TMEFF2: variants seen among roughly 807,000 people sequenced by gnomAD.
TMEFF2 encodes tomoregulin-2.
Under a neutral mutation model 53.8 loss-of-function variants are expected in TMEFF2, and 28 were observed. That is an observed-to-expected ratio of 0.52 (90% CI 0.39 to 0.71). TMEFF2 has a LOEUF of 0.71. TMEFF2 is among the 30% of genes least tolerant of loss of function. The pLI is 0.00. For missense variants in TMEFF2, 353 were observed against 455.2 expected, an observed-to-expected ratio of 0.78 and a Z score of 2.04; for synonymous variants, 162 against 166.3, an observed-to-expected ratio of 0.97 and a Z score of 0.20.
At chr2:192,132,945 G>C (rs564715853) in intron 4 of TMEFF2, among the ~76,000 whole-genome samples, 23 of 152,098 alleles carry the variant, frequency 1.5e-4, no homozygotes, top group Non-Finnish European at 3.1e-4. Context: ...GCCAAGCTTC[G>C]AGTAACTCTC....
intron 2 of TMEFF2, among the ~76,000 whole-genome samples, chr2:192,186,001 T>G (rs1691302734): frequency 6.6e-6 from 1 of 152,158 alleles, no homozygotes; most frequent in Admixed American, 6.6e-5. Context: ...TTAGCACATA[T>G]TTTATAAATA....
At chr2:192,119,043 T>G (rs560975451) in intron 4 of TMEFF2, among the ~76,000 whole-genome samples, 39 of 152,304 alleles carry the variant, frequency 2.6e-4, no homozygotes, top group Non-Finnish European at 5.1e-4. Context: ...GAATGTTTAA[T>G]CTCTGCTTTT....
rs1689021999 is a variant in TMEFF2, at chr2:192,101,120, C to T, written c.440-43345G>A. ...ATAGTTCATGGGATGTTAAGTATAC[C>T]ATGAAAAAGAAATTTCCCAGGACTT... is the stretch of plus-strand genomic sequence containing the variant. On this transcript the variant is annotated intron_variant, in intron 4 of 9. Coordinates refer to ENST00000272771, the MANE Select transcript of TMEFF2 (RefSeq NM_016192.4). Among the ~76,000 whole-genome samples, 5 of 152,150 alleles carry T rather than the reference C, an allele frequency of 3.3e-5. No individual in the cohort carries two copies. In the South Asian group the frequency reaches 1.0e-3, roughly 32 times the overall value.
intron 4 of TMEFF2, among the ~76,000 whole-genome samples, chr2:192,151,859 G>A (rs1380184997): frequency 6.6e-6 from 1 of 151,766 alleles, no homozygotes; most frequent in Non-Finnish European, 1.5e-5. Flanking sequence ...ATTACTAGTG[G>A]GCATGCACCT....
chr2:192,179,741 A>G, intron 3 of TMEFF2, 47 bp from the exon 4 acceptor site: 1 of 1,499,846 alleles, frequency 6.7e-7, no homozygotes, highest in Non-Finnish European at 8.8e-7. Flanking sequence ...ATTCAAAAAT[A>G]TTTATGACTT....
intron 7 of TMEFF2, among the ~76,000 whole-genome samples, chr2:191,982,530 A>T (rs1685878229): frequency 6.6e-6 from 1 of 150,732 alleles, no homozygotes; most frequent in East Asian, 1.9e-4. Flanking sequence ...GTCAAAGAGC[A>T]TGGAGAAAGT....
chr2:192,170,175 C>T (rs571374741), intron 4 of TMEFF2, among the ~76,000 whole-genome samples: 32 of 152,140 alleles, frequency 2.1e-4, no homozygotes, highest in African/African-American at 7.2e-4. Context: ...AACTATATCA[C>T]GAGGCTCAAA....
intron 7 of TMEFF2, among the ~76,000 whole-genome samples, chr2:191,995,326 T>C (rs1255049613): frequency 6.6e-6 from 1 of 151,968 alleles, no homozygotes; most frequent in Non-Finnish European, 1.5e-5. Flanking sequence ...CTGAGAGGGA[T>C]AAATAAGGGT....
chr2:192,055,541 G>A (rs983405549), intron 5 of TMEFF2, among the ~76,000 whole-genome samples: 9 of 151,914 alleles, frequency 5.9e-5, no homozygotes, highest in African/African-American at 1.9e-4. Flanking sequence ...TTGGGAGGCC[G>A]AGGCGGGCAA....
rs1433550895 is a variant in TMEFF2, at chr2:192,096,559, T to C, written c.440-38784A>G. On this transcript the variant is annotated intron_variant, in intron 4 of 9. Coordinates refer to ENST00000272771, the MANE Select transcript of TMEFF2 (RefSeq NM_016192.4). Reference sequence around the variant, plus strand: ...ATTTAAAATTGAGTGTATATTTAAATTTCAGTCTTTGTAAAATTAGTTCTA... The same window carrying C: ...ATTTAAAATTGAGTGTATATTTAAACTTCAGTCTTTGTAAAATTAGTTCTA... Among the ~76,000 whole-genome samples the C allele has an allele frequency of 2.4e-4, 37 of 152,080 alleles. 1 individual carries two copies. Among genetic ancestry groups the C allele is most frequent in the Non-Finnish European group, 1.5e-5 (1 of 68,002 alleles).
intron 7 of TMEFF2, among the ~76,000 whole-genome samples, chr2:191,996,192 A>C (rs999009907): frequency 6.6e-6 from 1 of 151,962 alleles, no homozygotes; most frequent in African/African-American, 2.4e-5. Context: ...GATCAGTAGA[A>C]TCTCTCATGA....
intron 5 of TMEFF2, among the ~76,000 whole-genome samples, chr2:192,011,901 T>A (rs1284924997): frequency 6.6e-6 from 1 of 152,174 alleles, no homozygotes; most frequent in Non-Finnish European, 1.5e-5. Context: ...TATCTTTTTT[T>A]TTTGAGACAG....
chr2:192,157,315 C>A (rs957142006), intron 4 of TMEFF2, among the ~76,000 whole-genome samples: 3 of 152,012 alleles, frequency 2.0e-5, no homozygotes, highest in African/African-American at 7.2e-5. Flanking sequence ...CATCTTAGGC[C>A]ACTTTTTTTA....
intron 5 of TMEFF2, among the ~76,000 whole-genome samples, chr2:192,022,880 A>G (rs1251030053): frequency 2.0e-5 from 3 of 152,166 alleles, no homozygotes; most frequent in East Asian, 1.9e-4. Flanking sequence ...GATAAATTAC[A>G]TTCTTTATCT....
chr2:192,037,269 A>AAAAGG (rs1440087652), intron 5 of TMEFF2: 113 of 72,592 alleles, frequency 1.6e-3, no homozygotes, highest in Admixed American at 2.9e-3. Flanking sequence ...AAGACTAGCC[A>AAAAGG]AAATAAAGAA....
At position 191,949,815 on chromosome 2, in the gene TMEFF2, A is replaced by AT. The variant is rs1324711779; in HGVS notation, c.*495dup. The AT allele has an allele frequency of 8.1e-6, 8 of 985,558 alleles. No homozygotes were observed. The highest frequency in any genetic ancestry group is 9.6e-6 in the Non-Finnish European group (8 of 829,970). 61.1% of individuals were successfully genotyped at this position (985,558 alleles called of 1,614,324 possible). On this transcript the variant is annotated 3_prime_UTR_variant, in exon 10 of 10. Coordinates refer to ENST00000272771, the MANE Select transcript of TMEFF2 (RefSeq NM_016192.4). Reference sequence around the variant, plus strand: ...CGGAAATATTTTATCCTCACTCGATATAAAGTAAATTATTTTTTCTCTTTT... The same window carrying AT: ...CGGAAATATTTTATCCTCACTCGATATTAAAGTAAATTATTTTTTCTCTTTT...
chr2:192,021,126 A>T (rs1686849522), intron 5 of TMEFF2, among the ~76,000 whole-genome samples: 1 of 152,152 alleles, frequency 6.6e-6, no homozygotes, highest in African/African-American at 2.4e-5. Context: ...TTGCAAGCAC[A>T]GGTGTTGTCT....
intron 7 of TMEFF2, among the ~76,000 whole-genome samples, chr2:191,960,573 G>A (rs546232860): frequency 2.0e-5 from 3 of 152,180 alleles, no homozygotes; most frequent in African/African-American, 4.8e-5. Flanking sequence ...TACAGTCTGC[G>A]AGGCCTTTGG....
chr2:192,037,715 G>A (rs1022251057), intron 5 of TMEFF2, among the ~76,000 whole-genome samples: 1 of 151,846 alleles, frequency 6.6e-6, no homozygotes, highest in Non-Finnish European at 1.5e-5. Context: ...ATTTGATATT[G>A]CTTACCCTAT....
Sources: allele counts gnomAD v4.1 joint callset (sites outside exome capture counted in the v4.1 genomes callset), GRCh38; gene constraint gnomAD v4.1.1; transcripts MANE v1.5; gene names NCBI Gene and HGNC (gene_info 2026-07-23, HGNC 2026-07-21).